The following UBASH3A variants were observed in gnomAD, a reference collection of about 807,000 sequenced individuals.
The protein encoded by UBASH3A is ubiquitin-associated and SH3 domain-containing protein A.
Under a neutral mutation model 73.5 loss-of-function variants are expected in UBASH3A, and 63 were observed. That is an observed-to-expected ratio of 0.86 (90% CI 0.70 to 1.06). The LOEUF is 1.06. Among genes scored for constraint, UBASH3A ranks in the 50% least tolerant of loss-of-function variants. The probability of loss-of-function intolerance (pLI) is 0.00; values close to 1 mark genes in which losing one functional copy is unlikely to be tolerated. For synonymous variants in UBASH3A, 363 were observed against 351.1 expected, an observed-to-expected ratio of 1.03 and a Z score of -0.38; for missense variants, 860 against 859.0, an observed-to-expected ratio of 1.00 and a Z score of -0.02.
intron 5 of UBASH3A, among the ~76,000 whole-genome samples, chr21:42,415,266 G>T (rs767074817): frequency 2.6e-5 from 4 of 152,164 alleles, no homozygotes; most frequent in Non-Finnish European, 5.9e-5. Flanking sequence ...ACACTCACTC[G>T]CATGGCAAGG....
chr21:42,446,998 G>C, intron 14 of UBASH3A, 59 bp from the exon 15 acceptor site: 1 of 1,570,144 alleles, frequency 6.4e-7, no homozygotes, highest in Non-Finnish European at 8.6e-7. Flanking sequence ...TTTGGAGCTA[G>C]TCTGAAATTG....
At chr21:42,440,424 C>G (rs1376163239) in intron 11 of UBASH3A, among the ~76,000 whole-genome samples, 1 of 152,202 alleles carries the variant, frequency 6.6e-6, no homozygotes, top group African/African-American at 2.4e-5. Flanking sequence ...ATTAACCAAA[C>G]ACCTATAATC....
intron 14 of UBASH3A, among the ~76,000 whole-genome samples, chr21:42,445,015 G>T (rs1357834184): frequency 6.6e-6 from 1 of 152,216 alleles, no homozygotes; most frequent in Non-Finnish European, 1.5e-5. Context: ...GGGGCAGGGC[G>T]GCTGATGGAT....
At chr21:42,444,509 C>T (rs752206166) in intron 13 of UBASH3A, 25 bp from the exon 14 acceptor site, 1 of 1,575,946 alleles carries the variant, frequency 6.3e-7, no homozygotes, top group Non-Finnish European at 8.7e-7. Flanking sequence ...CTGCTTTGAC[C>T]TGGAGGTGTT....
chr21:42,408,628 C>A (rs919034295), intron 2 of UBASH3A, among the ~76,000 whole-genome samples: 1 of 152,128 alleles, frequency 6.6e-6, no homozygotes, highest in South Asian at 2.1e-4. Context: ...TTGAAAAAAT[C>A]TTTGTGAACT....
intron 7 of UBASH3A, among the ~76,000 whole-genome samples, chr21:42,426,421 A>G (rs1283962329): frequency 1.3e-5 from 2 of 152,250 alleles, no homozygotes; most frequent in Non-Finnish European, 2.9e-5. Context: ...GACATCTAAA[A>G]TAACATTTGA....
chr21:42,430,526 G>GGGCA (rs1324863922), intron 8 of UBASH3A, among the ~76,000 whole-genome samples: 1 of 152,146 alleles, frequency 6.6e-6, no homozygotes, highest in African/African-American at 2.4e-5. Flanking sequence ...AGAGGGAGCA[G>GGGCA]GGCAGGGATA....
chr21:42,407,557 G>A (rs2053003308), intron 2 of UBASH3A, among the ~76,000 whole-genome samples: 2 of 152,182 alleles, frequency 1.3e-5, no homozygotes, highest in Admixed American at 6.5e-5. Context: ...ACTGTCAAGA[G>A]CACCCCAACC....
intron 9 of UBASH3A, among the ~76,000 whole-genome samples, chr21:42,434,130 T>C (rs2053584860): frequency 6.6e-6 from 1 of 152,172 alleles, no homozygotes; most frequent in African/African-American, 2.4e-5. Context: ...TGAGTCAGAC[T>C]CTGGGCTATG....
intron 11 of UBASH3A, among the ~76,000 whole-genome samples, chr21:42,440,412 T>C (rs2053720959): frequency 6.6e-6 from 1 of 152,226 alleles, no homozygotes; most frequent in South Asian, 2.1e-4. Flanking sequence ...AATGTATTTA[T>C]AATTAACCAA....
chr21:42,420,391 G>T (rs2053315035), intron 7 of UBASH3A, among the ~76,000 whole-genome samples: 1 of 151,958 alleles, frequency 6.6e-6, no homozygotes, highest in South Asian at 2.1e-4. Flanking sequence ...TTTTTTAATT[G>T]ATTAATCTTT....
intron 3 of UBASH3A, among the ~76,000 whole-genome samples, chr21:42,410,830 CAT>C (rs2053075797): frequency 6.6e-6 from 1 of 151,888 alleles, no homozygotes. Flanking sequence ...AGCTCACACA[CAT>C]AGACACACAC....
At chr21:42,411,737 G>A (rs2053102144) in intron 3 of UBASH3A, among the ~76,000 whole-genome samples, 1 of 152,238 alleles carries the variant, frequency 6.6e-6, no homozygotes, top group Non-Finnish European at 1.5e-5. Flanking sequence ...CCTTGATGCT[G>A]TAAAATGAAA....
intron 3 of UBASH3A, among the ~76,000 whole-genome samples, chr21:42,411,253 C>T (rs892748023): frequency 2.6e-5 from 4 of 151,786 alleles, no homozygotes; most frequent in African/African-American, 9.7e-5. Context: ...CACAGATAGA[C>T]ACACATACAC....
At chr21:42,404,482 G>C (rs529023318) in intron 1 of UBASH3A, among the ~76,000 whole-genome samples, 1 of 152,292 alleles carries the variant, frequency 6.6e-6, no homozygotes, top group South Asian at 2.1e-4. Flanking sequence ...ACCTTTTAAA[G>C]ACCAGCTCGG....
In UBASH3A at chr21:42,426,703, C is replaced by T. The variant is rs755118134; in HGVS notation, c.1053C>T (p.Tyr351=). 6.2e-7 allele frequency: 1 copy of T among 1,613,824 alleles called. No homozygotes were observed. The highest frequency in any genetic ancestry group is 8.5e-7 in the Non-Finnish European group (1 of 1,179,804). ...TGCTTTCCTTCCCCTGCAGGATGTA[C>T]ACCTTCAGTCTAGCCACAGACCTGA... ...ESDTWVKHRM[Y]TFSLATDLNS... Residue 351 remains tyrosine, a synonymous_variant, in exon 8 of 15, where the codon TAC becomes TAT. Transcript: ENST00000319294.
chr21:42,420,774 A>T (rs1047276336), intron 7 of UBASH3A, among the ~76,000 whole-genome samples: 3 of 61,490 alleles, frequency 4.9e-5, no homozygotes, highest in South Asian at 4.0e-4. Context: ...TAAGTTTTTA[A>T]AAAAAAATGC....
At chr21:42,446,651 G>A (rs917150929) in intron 14 of UBASH3A, among the ~76,000 whole-genome samples, 13 of 152,240 alleles carry the variant, frequency 8.5e-5, no homozygotes, top group African/African-American at 3.1e-4. Flanking sequence ...AAAACTCAAT[G>A]TCTGTGTCTT....
chr21:42,426,230 T>C (rs994518145), intron 7 of UBASH3A, among the ~76,000 whole-genome samples: 4 of 152,192 alleles, frequency 2.6e-5, no homozygotes, highest in African/African-American at 4.8e-5. Flanking sequence ...TGTCGAGACA[T>C]TCAAGGACCA....
Sources: gnomAD v4.1 joint callset for allele counts (sites outside exome capture counted in the v4.1 genomes callset) on GRCh38, gnomAD v4.1.1 for gene constraint, MANE v1.5 for transcripts, NCBI Gene and HGNC (gene_info 2026-07-23, HGNC 2026-07-21) for gene names.